The following GLIS2 variants were observed in gnomAD, a reference collection of about 807,000 sequenced individuals.
The protein encoded by GLIS2 is GLIS family zinc finger 2, also known as zinc finger protein GLIS2.
In GLIS2, 14 loss-of-function variants were observed where a neutral mutation model predicts 35.6. That is an observed-to-expected ratio of 0.39 (90% CI 0.26 to 0.61). GLIS2 has a LOEUF of 0.61. Ranked by LOEUF, GLIS2 falls within the 20% of genes least tolerant of loss-of-function variation. The probability of loss-of-function intolerance (pLI) is 0.48; values close to 1 mark genes in which losing one functional copy is unlikely to be tolerated. For synonymous variants in GLIS2, 368 were observed against 325.1 expected (o/e 1.13, Z -1.42); for missense variants, 675 against 713.4 (o/e 0.95, Z 0.61).
In GLIS2 at chr16:4,335,330, C is replaced by T. The variant is rs752286582; in HGVS notation, c.712C>T (p.Pro238Ser). The T allele has an allele frequency of 3.1e-6, 5 of 1,613,862 alleles. No homozygotes were observed. The South Asian group carries it at 5.5e-5, about 18-fold the overall frequency. Residue 238 changes from proline to serine, a missense_variant, in exon 6 of 7, where the codon CCG (proline) becomes TCG (serine). Pro to Ser is a moderately conservative substitution (Grantham distance 74). This residue lies in a region of GLIS2 where 133 missense variants were observed against 191.4 expected (regional missense o/e 0.69). Transcript: ENST00000433375. This position sits in a 1 kb window ranked among gnomAD's most constrained non-coding sequence, Gnocchi z 4.6. ...THTNEKPHRC[P>S]TCSKSFSRLE... ...CACCAACGAGAAGCCACACCGCTGT[C>T]CGACCTGCAGCAAGAGCTTCTCCCG...
intron 1 of GLIS2, among the ~76,000 whole-genome samples, chr16:4,317,613 T>G (rs1351623143): frequency 6.6e-6 from 1 of 152,022 alleles, no homozygotes; most frequent in Non-Finnish European, 1.5e-5. Context: ...CTGCTTCTCC[T>G]TCTCCCCAGA....
intron 2 of GLIS2, 152 bp from the exon 3 acceptor site, chr16:4,333,195 T>A: frequency 1.2e-6 from 1 of 837,828 alleles, no homozygotes; most frequent in South Asian, 1.5e-5. Context: ...GTCACACACC[T>A]GTCAGCTCCA....
intron 1 of GLIS2, among the ~76,000 whole-genome samples, chr16:4,329,597 G>C (rs1464004305): frequency 6.6e-6 from 1 of 152,202 alleles, no homozygotes; most frequent in African/African-American, 2.4e-5. Context: ...TGCTTGGAGA[G>C]TCAGGGCAGA....
intron 1 of GLIS2, among the ~76,000 whole-genome samples, chr16:4,325,995 T>C (rs1384394926): frequency 6.7e-6 from 1 of 148,500 alleles, no homozygotes; most frequent in Non-Finnish European, 1.5e-5. Context: ...TCCCAGCACT[T>C]TGGGAGGCCG....
At chr16:4,334,773 C>A (rs757350321) in intron 3 of GLIS2, 28 bp from the exon 4 acceptor site, 22 of 1,612,684 alleles carry the variant, frequency 1.4e-5, no homozygotes, top group Admixed American at 3.3e-5. Flanking sequence ...CCAGCAGGAC[C>A]TTGACTAGCC....
chr16:4,337,407 C>A lies in GLIS2; in HGVS notation c.1458C>A (p.Thr486=), dbSNP rs377385736. The change falls in exon 7 of 7, where the codon ACC becomes ACA. Residue 486 remains threonine (T), a synonymous_variant. Transcript: ENST00000433375. ...SPDGLPLLPG[T]VLDLSTGVNS... ...ATGGACTCCCCCTGCTGCCAGGCACCGTGCTGGACCTGTCCACGGGCGTCA... is the reference window on the plus strand; with the variant it reads ...ATGGACTCCCCCTGCTGCCAGGCACAGTGCTGGACCTGTCCACGGGCGTCA... 3.1e-6 allele frequency: 5 copies of A among 1,589,422 alleles called. No individual in the cohort carries two copies. In the South Asian group the frequency reaches 5.7e-5, roughly 18 times the overall value.
At chr16:4,327,923 G>A (rs1268020293) in intron 1 of GLIS2, among the ~76,000 whole-genome samples, 1 of 152,066 alleles carries the variant, frequency 6.6e-6, no homozygotes, top group Non-Finnish European at 1.5e-5. Flanking sequence ...CAACCCCTGG[G>A]CCCTTGCGTG....
At position 4,339,185 on chromosome 16, in the gene GLIS2, G is replaced by C. The variant is rs2053597210; in HGVS notation, c.*1661G>C. Reference sequence around the variant, plus strand: ...CGAAGGGGCTATGAGCAAGGTAGGAGGGAGCTGGTCTCCTTTCTTCGGGCC... The same window carrying C: ...CGAAGGGGCTATGAGCAAGGTAGGACGGAGCTGGTCTCCTTTCTTCGGGCC... On this transcript the variant is annotated 3_prime_UTR_variant, in exon 7 of 7. Transcript: ENST00000433375. 1 of 152,506 alleles carries C rather than the reference G, an allele frequency of 6.6e-6. No individual in the cohort carries two copies. The highest frequency in any genetic ancestry group is 1.5e-5 in the Non-Finnish European group (1 of 68,184). 9.4% of individuals were successfully genotyped at this position (152,506 alleles called of 1,614,324 possible).
Position 4,336,953 on chromosome 16 carries a change from C to G in GLIS2, c.1004C>G (p.Pro335Arg), listed in dbSNP as rs546324394. The G allele has an allele frequency of 1.9e-5, 31 of 1,610,606 alleles. No homozygotes were observed. Among genetic ancestry groups the G allele is most frequent in the Admixed American group, 1.3e-4 (8 of 59,884 alleles). Residue 335 changes from proline to arginine, a missense_variant, in exon 7 of 7, where the codon CCC (proline) becomes CGC (arginine). This residue lies in a region of GLIS2 where 317 missense variants were observed against 283.2 expected (regional missense o/e 1.12). Transcript: ENST00000433375. Reference protein sequence around the residue: ...QQELLQLRPPPKPPLPAPDGG... With the variant: ...QQELLQLRPPRKPPLPAPDGG... ...GAGCTCCTGCAGCTGCGCCCACCCC[C>G]CAAGCCGCCACTGCCCGCCCCCGAC...
chr16:4,316,988 C>A (rs2053320723), intron 1 of GLIS2, among the ~76,000 whole-genome samples: 1 of 152,182 alleles, frequency 6.6e-6, no homozygotes, highest in African/African-American at 2.4e-5. Context: ...CCCGCTGGCC[C>A]CCTGGGATGG....
In GLIS2 at chr16:4,337,393, C is replaced by A; in HGVS notation, c.1444C>A (p.Leu482Met). Residue 482 changes from leucine (L) to methionine (M), a missense_variant, in exon 7 of 7, where the codon CTG (leucine) becomes ATG (methionine). Physicochemically the swap from Leu to Met is conservative, Grantham distance 15. Transcript: ENST00000433375. The stretch of plus-strand genomic sequence containing the variant: ...CCGGCCAAGCCCCGATGGACTCCCC[C>A]TGCTGCCAGGCACCGTGCTGGACCT... Reference protein sequence around the residue: ...CSRPSPDGLPLLPGTVLDLST... With the variant: ...CSRPSPDGLPMLPGTVLDLST... 1 of 1,592,982 alleles carries A rather than the reference C, an allele frequency of 6.3e-7. No homozygotes were observed. Among genetic ancestry groups the A allele is most frequent in the South Asian group, 1.1e-5 (1 of 87,912 alleles).
At position 4,339,538 on chromosome 16, in the gene GLIS2, T is replaced by C. The variant is rs974269457; in HGVS notation, c.*2014T>C. 6.6e-6 allele frequency: 1 copy of C among 152,380 alleles called. No individual in the cohort carries two copies. Among genetic ancestry groups the C allele is most frequent in the Non-Finnish European group, 1.5e-5 (1 of 68,022 alleles). The allele number at this position is 152,380 out of a possible 1,614,324, so 9.4% of individuals were successfully genotyped here. ...AGAGATAAGCTAATGACTATAACAA[T>C]ATATTCCTCCATGGGAGAGGAAGTT... On this transcript the variant is annotated 3_prime_UTR_variant, in exon 7 of 7. Transcript: ENST00000433375.
Position 4,335,410 on chromosome 16 carries a change from G to C in GLIS2, c.775+17G>C. 4 of 1,611,862 alleles carry C rather than the reference G, an allele frequency of 2.5e-6. No individual in the cohort carries two copies. The highest frequency in any genetic ancestry group is 3.4e-6 in the Non-Finnish European group (4 of 1,178,868). On this transcript the variant is annotated intron_variant, in intron 6 of 6. Transcript: ENST00000433375. The surrounding 1 kb of genome is among the most constrained non-coding windows in gnomAD (Gnocchi z 4.6). Reference sequence around the variant, plus strand: ...CGCACACAGGTAAGAGGCCGGGGCCGGGCGGCTTGGCCCATGAAGGGGGCG... The same window carrying C: ...CGCACACAGGTAAGAGGCCGGGGCCCGGCGGCTTGGCCCATGAAGGGGGCG...
chr16:4,321,522 A>G (rs1327788869), intron 1 of GLIS2, among the ~76,000 whole-genome samples: 2 of 152,154 alleles, frequency 1.3e-5, no homozygotes, highest in Non-Finnish European at 2.9e-5. Context: ...TGTGCCACCT[A>G]AGATGAGTGG....
intron 1 of GLIS2, among the ~76,000 whole-genome samples, chr16:4,330,049 G>A (rs1274776510): frequency 6.6e-6 from 1 of 152,162 alleles, no homozygotes; most frequent in Non-Finnish European, 1.5e-5. Context: ...GGCCGAGGTG[G>A]GCAGATCACC....
At chr16:4,318,574 C>T (rs1261092794) in intron 1 of GLIS2, among the ~76,000 whole-genome samples, 1 of 152,228 alleles carries the variant, frequency 6.6e-6, no homozygotes, top group Non-Finnish European at 1.5e-5. Context: ...ACTCCCCTTG[C>T]AGGGAGGACA....
At chr16:4,327,146 G>T (rs1049641499) in intron 1 of GLIS2, among the ~76,000 whole-genome samples, 1 of 152,096 alleles carries the variant, frequency 6.6e-6, no homozygotes, top group Non-Finnish European at 1.5e-5. Flanking sequence ...CTCCTGCCTC[G>T]GCCTCCCAAT....
intron 1 of GLIS2, among the ~76,000 whole-genome samples, chr16:4,322,110 G>A (rs2053385131): frequency 1.3e-5 from 2 of 151,810 alleles, no homozygotes; most frequent in Admixed American, 1.3e-4. Flanking sequence ...GGTGGTGAGG[G>A]AGGAGCTGGC....
At chr16:4,333,560 T>A (rs1438969441) in intron 3 of GLIS2, 41 bp downstream of exon 3, 20 of 1,572,192 alleles carry the variant, frequency 1.3e-5, no homozygotes, top group Non-Finnish European at 1.7e-5. Context: ...GGTGGACTGG[T>A]TTCCTGGGGT....
Sources: gnomAD v4.1 joint callset for allele counts (sites outside exome capture counted in the v4.1 genomes callset) on GRCh38, gnomAD v4.1.1 for gene constraint, gnomAD v4.1.1 regional missense constraint, Gnocchi (gnomAD v3.1) non-coding constraint, MANE v1.5 for transcripts, NCBI Gene and HGNC (gene_info 2026-07-23, HGNC 2026-07-21) for gene names.